Variants in PHACTR1 observed in about 807,000 individuals in gnomAD.
PHACTR1 encodes RPEL repeat containing 1.
PHACTR1 carries 16 observed loss-of-function variants against 69.2 expected under a neutral mutation model. That is an observed-to-expected ratio of 0.23 (90% confidence interval 0.16 to 0.35). The LOEUF (loss-of-function observed/expected upper bound fraction) is 0.35, where lower values mean the gene tolerates loss of function less well. Among genes scored for constraint, PHACTR1 ranks in the 10% least tolerant of loss-of-function variants. The pLI is 1.00. For missense variants in PHACTR1, 510 were observed against 734.7 expected, an observed-to-expected ratio of 0.69 and a Z score of 3.54; for synonymous variants, 312 against 284.5, an observed-to-expected ratio of 1.10 and a Z score of -0.97.
rs1773601449 is a variant in PHACTR1, at chr6:13,246,488, T to A, written c.1391+16295T>A. On this transcript the variant is annotated intron_variant, in intron 10 of 14. Coordinates refer to ENST00000332995, the MANE Select transcript of PHACTR1 (RefSeq NM_030948.6). This position sits in a 1 kb window ranked among gnomAD's most constrained non-coding sequence, Gnocchi z 4.2. The stretch of plus-strand genomic sequence containing the variant: ...AAAACTAGGCAGGTACTCTGGAAAA[T>A]TCTTTTGCTGGTACCTTAATTTAGA... Among the ~76,000 whole-genome samples, 1 of 151,158 alleles carries A rather than the reference T, an allele frequency of 6.6e-6. No homozygotes were observed. The highest frequency in any genetic ancestry group is 1.5e-5 in the Non-Finnish European group (1 of 67,974).
At chr6:12,845,059 G>A (rs1779067662) in intron 4 of PHACTR1, among the ~76,000 whole-genome samples, 1 of 152,160 alleles carries the variant, frequency 6.6e-6, no homozygotes, top group African/African-American at 2.4e-5. Flanking sequence ...AAGCCATAAT[G>A]GTATACATGT....
chr6:13,035,175 A>G (rs1170945089), intron 4 of PHACTR1, among the ~76,000 whole-genome samples: 1 of 152,226 alleles, frequency 6.6e-6, no homozygotes, highest in African/African-American at 2.4e-5. Context: ...ACAAAAATTA[A>G]TCATAGATAT....
chr6:12,764,906 G>A (rs973771571), intron 4 of PHACTR1, among the ~76,000 whole-genome samples: 2 of 152,166 alleles, frequency 1.3e-5, no homozygotes, highest in Non-Finnish European at 2.9e-5. Context: ...AAGCATTGCA[G>A]TAGCAGAAGA....
intron 6 of PHACTR1, among the ~76,000 whole-genome samples, 170 bp downstream of exon 6, chr6:13,160,454 G>A (rs975805899): frequency 2.0e-5 from 3 of 152,198 alleles, no homozygotes; most frequent in African/African-American, 7.2e-5. Flanking sequence ...CAGTGCTGAA[G>A]CTGTCAGCAT....
At chr6:13,030,893 G>GAC (rs921095914) in intron 4 of PHACTR1, among the ~76,000 whole-genome samples, 3 of 152,196 alleles carry the variant, frequency 2.0e-5, no homozygotes, top group African/African-American at 7.2e-5. Flanking sequence ...GAGCACTATT[G>GAC]ACATTTTGGG....
At chr6:12,777,376 T>A (rs1470384427) in intron 4 of PHACTR1, among the ~76,000 whole-genome samples, 26 of 151,980 alleles carry the variant, frequency 1.7e-4, no homozygotes, top group Admixed American at 1.7e-3. Flanking sequence ...TAGGTAGTTT[T>A]TCAATCCTCA....
intron 4 of PHACTR1, among the ~76,000 whole-genome samples, chr6:12,764,616 T>C (rs1031889412): frequency 2.0e-5 from 3 of 152,228 alleles, no homozygotes; most frequent in African/African-American, 7.2e-5. Context: ...TAGGTTCTCA[T>C]AACTTCTTTC....
intron 4 of PHACTR1, among the ~76,000 whole-genome samples, chr6:12,950,984 A>C (rs1791220518): frequency 6.6e-6 from 1 of 152,160 alleles, no homozygotes; most frequent in Non-Finnish European, 1.5e-5. Context: ...CTTGGAGAGA[A>C]TTAGACGGAC....
chr6:13,183,700 A>T (rs932811848), intron 7 of PHACTR1, among the ~76,000 whole-genome samples: 3 of 152,074 alleles, frequency 2.0e-5, no homozygotes, highest in Admixed American at 6.6e-5. Context: ...GTGAGAGGAG[A>T]TGCAGTGGAG....
intron 4 of PHACTR1, among the ~76,000 whole-genome samples, chr6:12,852,370 A>T (rs1479447790): frequency 6.6e-6 from 1 of 152,316 alleles, no homozygotes; most frequent in East Asian, 1.9e-4. Context: ...CAATCAGAAG[A>T]ATCCAACTTA....
intron 4 of PHACTR1, among the ~76,000 whole-genome samples, chr6:13,007,811 T>C (rs1426023164): frequency 1.3e-5 from 2 of 152,106 alleles, no homozygotes; most frequent in East Asian, 3.9e-4. Context: ...TTCAATCACC[T>C]CTTTCTCCAC....
chr6:13,106,312 T>C (rs1816128609), intron 5 of PHACTR1, among the ~76,000 whole-genome samples: 1 of 152,198 alleles, frequency 6.6e-6, no homozygotes, highest in Admixed American at 6.5e-5. Flanking sequence ...TGCTGGCTAC[T>C]GAGGATATTT....
chr6:12,902,940 G>T (rs1246302097), intron 4 of PHACTR1, among the ~76,000 whole-genome samples: 1 of 152,176 alleles, frequency 6.6e-6, no homozygotes, highest in African/African-American at 2.4e-5. Context: ...CATTTGTCGA[G>T]ACCCAACCGG....
intron 7 of PHACTR1, among the ~76,000 whole-genome samples, chr6:13,198,161 T>C (rs114189888): frequency 2.5e-3 from 376 of 152,368 alleles, no homozygotes; most frequent in African/African-American, 8.1e-3. Context: ...TAGTTCATTC[T>C]AGCAGGTAAA....
intron 4 of PHACTR1, among the ~76,000 whole-genome samples, chr6:13,037,033 G>T (rs1346061907): frequency 1.3e-5 from 2 of 152,154 alleles, no homozygotes; most frequent in African/African-American, 4.8e-5. Context: ...AAGTTCTCCT[G>T]CATCTTGGCC....
chr6:13,003,555 A>G (rs1316901731), intron 4 of PHACTR1, among the ~76,000 whole-genome samples: 1 of 152,084 alleles, frequency 6.6e-6, no homozygotes, highest in Non-Finnish European at 1.5e-5. Context: ...GTGCATTGGA[A>G]AGATATTTTT....
chr6:13,016,925 G>A (rs1046637913), intron 4 of PHACTR1, among the ~76,000 whole-genome samples: 1 of 152,106 alleles, frequency 6.6e-6, no homozygotes, highest in Admixed American at 6.6e-5. Flanking sequence ...GGTGGCTCAC[G>A]CCTGTAATCC....
chr6:13,111,291 A>T lies in PHACTR1; in HGVS notation c.416-48913A>T, dbSNP rs570248348. Among the ~76,000 whole-genome samples, 52 of 152,192 alleles carry T rather than the reference A, an allele frequency of 3.4e-4. No homozygotes were observed. The South Asian group carries it at 7.5e-3, about 22-fold the overall frequency. On this transcript the variant is annotated intron_variant, in intron 5 of 14. Coordinates refer to ENST00000332995, the MANE Select transcript of PHACTR1 (RefSeq NM_030948.6). Reference sequence around the variant, plus strand: ...TAGTAGTGGATACTCAATTTTTTTTAAATTTCCAATTTAAGTAAAAATTTG... The same window carrying T: ...TAGTAGTGGATACTCAATTTTTTTTTAATTTCCAATTTAAGTAAAAATTTG...
At chr6:13,115,542 A>G (rs1368973540) in intron 5 of PHACTR1, among the ~76,000 whole-genome samples, 1 of 152,102 alleles carries the variant, frequency 6.6e-6, no homozygotes, top group Non-Finnish European at 1.5e-5. Flanking sequence ...GAGGGTTTGT[A>G]TGCAGATAGT....
Sources: allele counts gnomAD v4.1 joint callset (sites outside exome capture counted in the v4.1 genomes callset), GRCh38; gene constraint gnomAD v4.1.1; non-coding constraint Gnocchi (gnomAD v3.1); transcripts MANE v1.5; gene names NCBI Gene and HGNC (gene_info 2026-07-23, HGNC 2026-07-21).